STXBP5L: variants seen among roughly 807,000 people sequenced by gnomAD.
STXBP5L encodes syntaxin binding protein 5L, also known as syntaxin-binding protein 5-like.
In STXBP5L, 65 loss-of-function variants were observed where a neutral mutation model predicts 144.5. The ratio of observed to expected loss-of-function variants is 0.45; its 90% CI spans 0.37 to 0.55. STXBP5L has a LOEUF of 0.55. Ranked by LOEUF, STXBP5L falls within the 20% of genes least tolerant of loss-of-function variation. STXBP5L has a pLI of 0.00. For synonymous variants in STXBP5L, 505 were observed against 469.6 expected, an observed-to-expected ratio of 1.08 and a Z score of -0.97; for missense variants, 1,298 against 1,405.5, an observed-to-expected ratio of 0.92 and a Z score of 1.22.
intron 10 of STXBP5L, among the ~76,000 whole-genome samples, chr3:121,217,023 C>A (rs1407400424): frequency 2.0e-5 from 3 of 152,116 alleles, no homozygotes; most frequent in Non-Finnish European, 2.9e-5. Context: ...AATGGTGACG[C>A]CCCTCCCCCA....
intron 7 of STXBP5L, among the ~76,000 whole-genome samples, chr3:121,136,232 G>T (rs1265613446): frequency 6.6e-6 from 1 of 152,162 alleles, no homozygotes; most frequent in East Asian, 1.9e-4. Context: ...GGAAAGGAAA[G>T]TATAAGCATA....
chr3:120,989,466 C>G (rs1175902940), intron 3 of STXBP5L, among the ~76,000 whole-genome samples: 1 of 152,098 alleles, frequency 6.6e-6, no homozygotes, highest in Non-Finnish European at 1.5e-5. Context: ...AATTTGCCCA[C>G]TCTTTAATGG....
At chr3:121,237,232 G>T (rs338980) in intron 12 of STXBP5L, among the ~76,000 whole-genome samples, 72,302 of 152,042 alleles carry the variant, frequency 0.48, 17,754 homozygotes, top group East Asian at 0.73. Context: ...AGCCTCCATG[G>T]CTCTTGTGTT....
chr3:121,240,484 A>G lies in STXBP5L; in HGVS notation c.1377A>G (p.Thr459=). The change falls in exon 14 of 27, where the codon ACA becomes ACG. Residue 459 remains threonine (T), a synonymous_variant. Coordinates refer to ENST00000471454, the MANE Select transcript of STXBP5L (RefSeq NM_001308330.2). ...GAGCTTGGAACCTTGGAGCACAAACATATCCAGAAATTATTATTACTGGGT... is the reference window on the plus strand; with the variant it reads ...GAGCTTGGAACCTTGGAGCACAAACGTATCCAGAAATTATTATTACTGGGT... ...SGGAWNLGAQ[T]YPEIIITGHA... is the part of the protein sequence containing the mutation. 6.2e-7 allele frequency: 1 copy of G among 1,613,582 alleles called. No homozygotes were observed. Among genetic ancestry groups the G allele is most frequent in the South Asian group, 1.1e-5 (1 of 91,058 alleles).
At chr3:121,355,244 G>A (rs553924326) in intron 20 of STXBP5L, among the ~76,000 whole-genome samples, 8 of 152,234 alleles carry the variant, frequency 5.3e-5, no homozygotes, top group African/African-American at 1.2e-4. Flanking sequence ...GCCTTGCTAA[G>A]TTGGGGAAGT....
At chr3:121,347,434 T>C (rs1224878921) in intron 20 of STXBP5L, among the ~76,000 whole-genome samples, 1 of 151,076 alleles carries the variant, frequency 6.6e-6, no homozygotes, top group South Asian at 2.1e-4. Context: ...TTGGATTGAC[T>C]TGTGGCCTCT....
At chr3:121,236,767 CA>C (rs1235775100) in intron 12 of STXBP5L, among the ~76,000 whole-genome samples, 4 of 152,210 alleles carry the variant, frequency 2.6e-5, no homozygotes, top group African/African-American at 9.6e-5. Context: ...TTCAAAAGTT[CA>C]AAGTCCGAAG....
chr3:121,383,439 A>C (rs2046362155), intron 22 of STXBP5L, among the ~76,000 whole-genome samples: 1 of 152,092 alleles, frequency 6.6e-6, no homozygotes, highest in African/African-American at 2.4e-5. Context: ...AATGTGCCAC[A>C]CTTATACAAG....
At chr3:120,917,827 C>A (rs9831352) in intron 2 of STXBP5L, among the ~76,000 whole-genome samples, 15,123 of 152,232 alleles carry the variant, frequency 0.099, 1,194 homozygotes, top group Admixed American at 0.2. Flanking sequence ...TATGTCCTTT[C>A]AGGTAAATAA....
At chr3:121,064,679 TG>T in intron 5 of STXBP5L, among the ~76,000 whole-genome samples, 2 of 152,358 alleles carry the variant, frequency 1.3e-5, no homozygotes, top group South Asian at 4.1e-4. Context: ...TAGATTTTTT[TG>T]TAGAGATGTT....
At chr3:121,368,616 A>G (rs1044167769) in intron 20 of STXBP5L, among the ~76,000 whole-genome samples, 9 of 150,892 alleles carry the variant, frequency 6.0e-5, no homozygotes, top group Admixed American at 5.3e-4. Context: ...TATTTGCTCC[A>G]TTTTCTAGGG....
At position 121,418,367 on chromosome 3, in the gene STXBP5L, G is replaced by A. The variant is rs573081224; in HGVS notation, c.3257G>A (p.Arg1086His). The stretch of plus-strand genomic sequence containing the variant: ...GAAGCTTCGGCAGGAAAAGCATCCC[G>A]CAGCCTTGCGCAACACATTCCTGGA... ...FGEASAGKAS[R>H]SLAQHIPGPG... Residue 1086 changes from arginine (R) to histidine (H), a missense_variant, in exon 26 of 27, where the codon CGC becomes CAC. Arg to His is a conservative substitution (Grantham distance 29). Coordinates refer to ENST00000471454, the MANE Select transcript of STXBP5L (RefSeq NM_001308330.2). 8 of 1,613,694 alleles carry A rather than the reference G, an allele frequency of 5.0e-6. No homozygotes were observed. Among genetic ancestry groups the A allele is most frequent in the South Asian group, 4.4e-5 (4 of 91,042 alleles).
At chr3:121,145,220 A>G (rs529431714) in intron 7 of STXBP5L, among the ~76,000 whole-genome samples, 1 of 152,002 alleles carries the variant, frequency 6.6e-6, no homozygotes, top group East Asian at 1.9e-4. Flanking sequence ...ATAAAATATT[A>G]GGAGACAGAA....
intron 19 of STXBP5L, among the ~76,000 whole-genome samples, chr3:121,317,475 A>G (rs767564452): frequency 1.3e-5 from 2 of 152,198 alleles, no homozygotes; most frequent in African/African-American, 2.4e-5. Flanking sequence ...TGGACCTACC[A>G]CAAGCTTATT....
intron 20 of STXBP5L, among the ~76,000 whole-genome samples, chr3:121,353,888 T>A (rs1163943923): frequency 1.3e-5 from 2 of 152,240 alleles, no homozygotes; most frequent in Non-Finnish European, 2.9e-5. Flanking sequence ...TTGTTCTTTG[T>A]TCTCATTGGT....
chr3:121,206,068 T>C, intron 10 of STXBP5L, 67 bp downstream of exon 10: 1 of 898,542 alleles, frequency 1.1e-6, no homozygotes, highest in Non-Finnish European at 1.6e-6. Context: ...TGACCTTTAA[T>C]GTTAAGATAT....
At chr3:120,946,834 A>G (rs1710883233) in intron 2 of STXBP5L, among the ~76,000 whole-genome samples, 1 of 151,656 alleles carries the variant, frequency 6.6e-6, no homozygotes, top group Non-Finnish European at 1.5e-5. Flanking sequence ...CACTTATGTC[A>G]AATTAAAAAG....
At chr3:121,335,638 A>G (rs2044479278) in intron 20 of STXBP5L, among the ~76,000 whole-genome samples, 1 of 152,158 alleles carries the variant, frequency 6.6e-6, no homozygotes, top group African/African-American at 2.4e-5. Flanking sequence ...GAGCCCAGAA[A>G]TAAGGCCACA....
chr3:121,269,772 CTTTACTAT>C (rs1361145553), intron 18 of STXBP5L, among the ~76,000 whole-genome samples: 9 of 152,144 alleles, frequency 5.9e-5, no homozygotes, highest in Non-Finnish European at 1.2e-4. Context: ...TGCCCCTAAG[CTTTACTAT>C]TCTGGGATGT....
Sources: allele counts gnomAD v4.1 joint callset (sites outside exome capture counted in the v4.1 genomes callset), GRCh38; gene constraint gnomAD v4.1.1; transcripts MANE v1.5; gene names NCBI Gene and HGNC (gene_info 2026-07-23, HGNC 2026-07-21).